The following CACNA2D2 variants were observed in gnomAD, a reference collection of about 807,000 sequenced individuals.
The protein encoded by CACNA2D2 is voltage-dependent calcium channel subunit alpha-2/delta-2.
CACNA2D2 carries 48 observed loss-of-function variants against 166.4 expected under a neutral mutation model. The ratio of observed to expected loss-of-function variants is 0.29; its 90% confidence interval spans 0.23 to 0.37. The LOEUF is 0.37. CACNA2D2 is among the 10% of genes least tolerant of loss of function. The pLI is 1.00. For missense variants in CACNA2D2, 1,122 were observed against 1,433.0 expected (o/e 0.78, Z 3.50); for synonymous variants, 561 against 573.7 (o/e 0.98, Z 0.32).
At chr3:50,465,469 G>C (rs1469604235) in intron 2 of CACNA2D2, among the ~76,000 whole-genome samples, 1 of 152,180 alleles carries the variant, frequency 6.6e-6, no homozygotes, top group African/African-American at 2.4e-5. Flanking sequence ...GGGTCTTTGA[G>C]GGGCAGCAGG....
In CACNA2D2 at chr3:50,366,384, C is replaced by T. The variant is rs773824858; in HGVS notation, c.2638-46G>A. ...AGGAAAATGGAGAGGGGCTGGGCCC[C>T]GGACCTTCCACCGCAGGCAGTCCAG... On this transcript the variant is annotated intron_variant, in intron 30 of 37. Coordinates refer to ENST00000424201, the MANE Select transcript of CACNA2D2 (RefSeq NM_006030.4). The surrounding 1 kb of genome is among the most constrained non-coding windows in gnomAD (Gnocchi z 5.9). 10 of 1,594,040 alleles carry T rather than the reference C, an allele frequency of 6.3e-6. No individual in the cohort carries two copies. The highest frequency in any genetic ancestry group is 1.1e-5 in the South Asian group (1 of 90,666).
At chr3:50,378,412 T>C (rs1193665528) in intron 13 of CACNA2D2, 79 bp from the exon 14 acceptor site, 6 of 1,397,240 alleles carry the variant, frequency 4.3e-6, no homozygotes, top group Non-Finnish European at 6.0e-6. Context: ...CCCTGGGGTG[T>C]GTCTGCAGCC....
chr3:50,389,896 G>T (rs761012513), intron 4 of CACNA2D2, among the ~76,000 whole-genome samples: 2 of 152,026 alleles, frequency 1.3e-5, no homozygotes, highest in Non-Finnish European at 1.5e-5. Context: ...TTGGTAAGAA[G>T]TACATGGATG....
At chr3:50,405,605 G>A (rs1370185797) in intron 3 of CACNA2D2, among the ~76,000 whole-genome samples, 5 of 152,190 alleles carry the variant, frequency 3.3e-5, no homozygotes, top group African/African-American at 1.2e-4. Flanking sequence ...CTGCTCAGTG[G>A]GCTGAAATAT....
At chr3:50,459,213 G>A (rs1297334534) in intron 2 of CACNA2D2, among the ~76,000 whole-genome samples, 4 of 152,180 alleles carry the variant, frequency 2.6e-5, no homozygotes, top group Non-Finnish European at 5.9e-5. Context: ...AGGGAACCCA[G>A]GTATACACAT....
At chr3:50,387,860 C>T (rs1463675104) in intron 4 of CACNA2D2, among the ~76,000 whole-genome samples, 1 of 152,190 alleles carries the variant, frequency 6.6e-6, no homozygotes, top group Non-Finnish European at 1.5e-5. Flanking sequence ...ATTCCCTGGG[C>T]CTTCCTAACT....
intron 2 of CACNA2D2, among the ~76,000 whole-genome samples, chr3:50,442,750 CAGAG>C (rs1200774843): frequency 6.6e-6 from 1 of 152,172 alleles, no homozygotes; most frequent in East Asian, 1.9e-4. Flanking sequence ...GACCACACCC[CAGAG>C]AGAAGCAACT....
At chr3:50,433,977 G>T (rs11917680) in intron 3 of CACNA2D2, among the ~76,000 whole-genome samples, 30,770 of 152,008 alleles carry the variant, frequency 0.2, 3,797 homozygotes, top group South Asian at 0.44. Flanking sequence ...GCCCATCCAG[G>T]GCACCACCCA....
chr3:50,490,212 C>T lies in CACNA2D2; in HGVS notation c.206+13006G>A, dbSNP rs78558699. Among the ~76,000 whole-genome samples, 6 of 152,290 alleles carry T rather than the reference C, an allele frequency of 3.9e-5. No homozygotes were observed. The East Asian group carries it at 1.2e-3, about 29-fold the overall frequency. ...AGCTGCAGATTTTGGCAACTGGCTG[C>T]ATGCACAGGCATTTGGGTTCAGCTG... On this transcript the variant is annotated intron_variant, in intron 1 of 37. Transcript: ENST00000424201.
At chr3:50,399,803 G>A (rs1239892636) in intron 3 of CACNA2D2, among the ~76,000 whole-genome samples, 1 of 152,154 alleles carries the variant, frequency 6.6e-6, no homozygotes, top group Non-Finnish European at 1.5e-5. Context: ...GGCCAGGTGG[G>A]GCCTGGCTGG....
chr3:50,447,276 T>C (rs2106941147), intron 2 of CACNA2D2, among the ~76,000 whole-genome samples: 1 of 152,252 alleles, frequency 6.6e-6, no homozygotes, highest in South Asian at 2.1e-4. Context: ...GATCCCCACA[T>C]GCAGTGTGAC....
chr3:50,493,240 T>C (rs1698591244), intron 1 of CACNA2D2, among the ~76,000 whole-genome samples: 1 of 152,132 alleles, frequency 6.6e-6, no homozygotes, highest in Non-Finnish European at 1.5e-5. Flanking sequence ...GGTGACCCCA[T>C]CCTCGGCTCA....
At chr3:50,425,088 C>A (rs971826688) in intron 3 of CACNA2D2, among the ~76,000 whole-genome samples, 17 of 152,172 alleles carry the variant, frequency 1.1e-4, no homozygotes, top group Admixed American at 1.1e-3. Context: ...GGCCATGCTT[C>A]CACAGGGCCA....
At chr3:50,465,738 C>A (rs1457109106) in intron 2 of CACNA2D2, among the ~76,000 whole-genome samples, 2 of 152,116 alleles carry the variant, frequency 1.3e-5, no homozygotes, top group Non-Finnish European at 2.9e-5. Context: ...GGCCTGCCTG[C>A]AAGGCATGCA....
chr3:50,394,307 CAG>C (rs1363285319), intron 3 of CACNA2D2, 139 bp from the exon 4 acceptor site: 1 of 697,906 alleles, frequency 1.4e-6, no homozygotes, highest in African/African-American at 1.7e-5. Context: ...ACGAGACCCT[CAG>C]AGATTCTCTG....
chr3:50,398,288 C>T (rs1354829484), intron 3 of CACNA2D2, among the ~76,000 whole-genome samples: 1 of 152,038 alleles, frequency 6.6e-6, no homozygotes, highest in African/African-American at 2.4e-5. Flanking sequence ...AGTCTCTGGT[C>T]GCCCTGCTAC....
At position 50,366,188 on chromosome 3, in the gene CACNA2D2, G is replaced by A; in HGVS notation, c.2710-25C>T. ...CCTGAGGATGTCAGGAGAAAGCCAT[G>A]GTCACAGGGCTGGCAGTGCTACACC... On this transcript the variant is annotated intron_variant, in intron 31 of 37. Coordinates refer to ENST00000424201, the MANE Select transcript of CACNA2D2 (RefSeq NM_006030.4). The surrounding 1 kb of genome is among the most constrained non-coding windows in gnomAD (Gnocchi z 5.9). 3 of 1,613,954 alleles carry A rather than the reference G, an allele frequency of 1.9e-6. No individual in the cohort carries two copies. Among genetic ancestry groups the A allele is most frequent in the East Asian group, 2.2e-5 (1 of 44,886 alleles).
chr3:50,364,495 C>T lies in CACNA2D2; in HGVS notation c.*171G>A. 7.7e-6 allele frequency: 6 copies of T among 776,794 alleles called. No homozygotes were observed. Among genetic ancestry groups the T allele is most frequent in the East Asian group, 5.5e-5 (2 of 36,146 alleles). The allele number at this position is 776,794 out of a possible 1,614,324, so 48.1% of individuals were successfully genotyped here. On this transcript the variant is annotated 3_prime_UTR_variant, in exon 38 of 38. Coordinates refer to ENST00000424201, the MANE Select transcript of CACNA2D2 (RefSeq NM_006030.4). ...TGGGTGCCAAACACCTGCGGCGTCC[C>T]GCTTTGGGACTCCCCATCCCAAGGC...
At chr3:50,420,565 T>C (rs1420469708) in intron 3 of CACNA2D2, among the ~76,000 whole-genome samples, 1 of 152,134 alleles carries the variant, frequency 6.6e-6, no homozygotes, top group Non-Finnish European at 1.5e-5. Context: ...CTGTGCATAG[T>C]CCACAGCCCC....
Sources: allele counts gnomAD v4.1 joint callset (sites outside exome capture counted in the v4.1 genomes callset), GRCh38; gene constraint gnomAD v4.1.1; non-coding constraint Gnocchi (gnomAD v3.1); transcripts MANE v1.5; gene names NCBI Gene and HGNC (gene_info 2026-07-23, HGNC 2026-07-21).